The following ZNF778 variants were observed in gnomAD, a reference collection of about 807,000 sequenced individuals.
ZNF778 encodes the protein zinc finger protein 778.
ZNF778 carries 37 observed loss-of-function variants against 23.9 expected under a neutral mutation model. That is an observed-to-expected ratio of 1.54 (90% CI 1.19 to 2.03). The LOEUF (loss-of-function observed/expected upper bound fraction) is 2.03. Ranked by LOEUF, ZNF778 falls within the 30% of genes most tolerant of loss-of-function variation. The probability of loss-of-function intolerance (pLI) is 0.00; values close to 1 mark genes in which losing one functional copy is unlikely to be tolerated. For synonymous variants in ZNF778, 483 were observed against 343.9 expected (o/e 1.40, Z -4.48); for missense variants, 1,297 against 934.4 (o/e 1.39, Z -5.06).
intron 1 of ZNF778, among the ~76,000 whole-genome samples, chr16:89,220,661 C>G (rs1263014651): frequency 6.6e-6 from 1 of 152,174 alleles, no homozygotes; most frequent in East Asian, 1.9e-4. Context: ...ATCTCAAAAG[C>G]AAACAAAACC....
Position 89,230,065 on chromosome 16 carries a change from C to A in ZNF778, c.*1503C>A. ...GGATCCTGTATGAGCAGCGTAGGCT[C>A]TGGTTGGTTAGTCATGCTCTTAGGC... On this transcript the variant is annotated 3_prime_UTR_variant, in exon 7 of 7. Coordinates refer to ENST00000433976, the MANE Select transcript of ZNF778 (RefSeq NM_001201407.2). The A allele has an allele frequency of 1.0e-6, 1 of 972,684 alleles. No individual in the cohort carries two copies. The highest frequency in any genetic ancestry group is 1.2e-6 in the Non-Finnish European group (1 of 818,436). The allele number at this position is 972,684 out of a possible 1,614,324, so 60.3% of individuals were successfully genotyped here. A position where few individuals can be genotyped will look rare whatever the true frequency, so the allele number is the denominator to read the frequency against.
chr16:89,223,092 C>T, intron 3 of ZNF778, 65 bp from the exon 4 acceptor site: 1 of 1,569,306 alleles, frequency 6.4e-7, no homozygotes, highest in Non-Finnish European at 8.6e-7. Context: ...GCCCCGCCTC[C>T]TCATTCTTCA....
At chr16:89,219,339 C>T (rs2030691578) in intron 1 of ZNF778, among the ~76,000 whole-genome samples, 1 of 152,134 alleles carries the variant, frequency 6.6e-6, no homozygotes, top group Admixed American at 6.5e-5. Flanking sequence ...TTAAATATTC[C>T]TCCATTTCTT....
intron 3 of ZNF778, among the ~76,000 whole-genome samples, chr16:89,222,564 A>T (rs367919714): frequency 6.6e-6 from 1 of 152,166 alleles, no homozygotes; most frequent in Admixed American, 6.5e-5. Context: ...GGGTTTTGCC[A>T]TGTTGGCCAG....
rs773707483 is a variant in ZNF778 at position 89,228,107 on chromosome 16, C to A, written c.1819C>A (p.His607Asn). The A allele has an allele frequency of 1.9e-6, 3 of 1,612,978 alleles. No individual in the cohort carries two copies. The highest frequency in any genetic ancestry group is 2.5e-6 in the Non-Finnish European group (3 of 1,179,128). The change falls in exon 7 of 7, where the codon CAC becomes AAC. Residue 607 changes from histidine to asparagine, a missense_variant. Transcript: ENST00000433976. ...TFTVSSSLTE[H>N]IRTHTGEKPY... ...CACTGTTTCTTCGAGCCTAACCGAGCACATACGAACTCACACTGGAGAGAA... is the reference window on the plus strand; with the variant it reads ...CACTGTTTCTTCGAGCCTAACCGAGAACATACGAACTCACACTGGAGAGAA...
At chr16:89,220,288 C>T (rs539360894) in intron 1 of ZNF778, among the ~76,000 whole-genome samples, 3 of 152,170 alleles carry the variant, frequency 2.0e-5, no homozygotes, top group South Asian at 2.1e-4. Flanking sequence ...GTCACCTCAT[C>T]GGTAGAATAA....
intron 1 of ZNF778, 148 bp from the exon 2 acceptor site, chr16:89,220,849 T>A (rs776820283): frequency 2.0e-5 from 9 of 443,148 alleles, no homozygotes; most frequent in Non-Finnish European, 2.9e-5. Flanking sequence ...TTGACCCATA[T>A]ACTGCTCTTC....
chr16:89,227,381 T>C lies in ZNF778; in HGVS notation c.1093T>C (p.Tyr365His), dbSNP rs2031579533. The change falls in exon 7 of 7, where the codon TAT (tyrosine) becomes CAT (histidine). Residue 365 changes from tyrosine to histidine, a missense_variant. Physicochemically the swap from Tyr to His is moderately conservative, Grantham distance 83. Coordinates refer to ENST00000433976, the MANE Select transcript of ZNF778 (RefSeq NM_001201407.2). ...HVQTDPGQKP[Y>H]ECKDCGKACG... ...CCAAACAGACCCTGGACAGAAGCCCTATGAATGTAAGGACTGTGGGAAAGC... is the reference window on the plus strand; with the variant it reads ...CCAAACAGACCCTGGACAGAAGCCCCATGAATGTAAGGACTGTGGGAAAGC... The C allele has an allele frequency of 1.2e-6, 2 of 1,613,848 alleles. No individual in the cohort carries two copies. The highest frequency in any genetic ancestry group is 2.7e-5 in the African/African-American group (2 of 74,916).
In ZNF778 at chr16:89,233,956, G is replaced by A; in HGVS notation, c.*5394G>A. 2 of 1,277,386 alleles carry A rather than the reference G, an allele frequency of 1.6e-6. No individual in the cohort carries two copies. Among genetic ancestry groups the A allele is most frequent in the Non-Finnish European group, 2.0e-6 (2 of 977,954 alleles). 79.1% of individuals were successfully genotyped at this position (1,277,386 alleles called of 1,614,324 possible). ...CTGTATGCCCTTGGGCCTGCTGGAA[G>A]TATGCAGACTAGCCAGCCCCAGACT... On this transcript the variant is annotated 3_prime_UTR_variant, in exon 7 of 7. Transcript: ENST00000433976.
At position 89,228,163 on chromosome 16, in the gene ZNF778, C is replaced by T. The variant is rs200661175; in HGVS notation, c.1875C>T (p.Ala625=). The T allele has an allele frequency of 5.0e-6, 8 of 1,613,578 alleles. No individual in the cohort carries two copies. In the South Asian group the frequency reaches 5.5e-5, roughly 11 times the overall value. The change falls in exon 7 of 7, where the codon GCC becomes GCT. Residue 625 remains alanine (A), a synonymous_variant. Transcript: ENST00000433976. ...ATGAATGTAAAGTATGCGGAAAGGCCTTCACCACATCCTCACACCTTATCG... is the reference window on the plus strand; with the variant it reads ...ATGAATGTAAAGTATGCGGAAAGGCTTTCACCACATCCTCACACCTTATCG... The part of the protein sequence containing the change: ...KPYECKVCGK[A]FTTSSHLIVH...
rs1352445301 is a variant in ZNF778, at chr16:89,229,857, GGTTA to G, written c.*1298_*1301del. 2 of 983,742 alleles carry G rather than the reference GGTTA, an allele frequency of 2.0e-6. No homozygotes were observed. The highest frequency in any genetic ancestry group is 1.2e-4 in the East Asian group (1 of 8,684). The allele number at this position is 983,742 out of a possible 1,614,324, so 60.9% of individuals were successfully genotyped here. ...TGTGTGAGCAGCGTAGGCTCTGGTT[GGTTA>G]GTCTTGAGGATCCAGATGTGATCCT... On this transcript the variant is annotated 3_prime_UTR_variant, in exon 7 of 7. Transcript: ENST00000433976.
rs1318791927 is a variant in ZNF778 at position 89,227,678 on chromosome 16, C to G, written c.1390C>G (p.Leu464Val). ...GAAAGCCTTCTGTACATCCTCGGGC[C>G]TTACTGAGCATGTAAGGACTCACAC... ...CGKAFCTSSG[L>V]TEHVRTHTGE... The change falls in exon 7 of 7, where the codon CTT becomes GTT. Residue 464 changes from leucine to valine, a missense_variant. Physicochemically the swap from Leu to Val is conservative, Grantham distance 32. Coordinates refer to ENST00000433976, the MANE Select transcript of ZNF778 (RefSeq NM_001201407.2). 6.2e-7 allele frequency: 1 copy of G among 1,614,052 alleles called. No homozygotes were observed. The highest frequency in any genetic ancestry group is 1.3e-5 in the African/African-American group (1 of 74,926).
At position 89,231,367 on chromosome 16, in the gene ZNF778, C is replaced by G. The variant is rs1033875812; in HGVS notation, c.*2805C>G. The G allele has an allele frequency of 4.6e-5, 7 of 152,208 alleles. No homozygotes were observed. Among genetic ancestry groups the G allele is most frequent in the Non-Finnish European group, 8.8e-5 (6 of 68,112 alleles). 9.4% of individuals were successfully genotyped at this position (152,208 alleles called of 1,614,324 possible). On this transcript the variant is annotated 3_prime_UTR_variant, in exon 7 of 7. Transcript: ENST00000433976. ...ACTGCATCATCCTGGTGCTCGGACTCCTAGTGACAGCATCCTGAGCAGGCG... is the reference window on the plus strand; with the variant it reads ...ACTGCATCATCCTGGTGCTCGGACTGCTAGTGACAGCATCCTGAGCAGGCG...
chr16:89,219,125 AAAAAT>A (rs1214601980), intron 1 of ZNF778, among the ~76,000 whole-genome samples: 1 of 151,572 alleles, frequency 6.6e-6, no homozygotes, highest in South Asian at 2.1e-4. Flanking sequence ...AAAAAAATAA[AAAAAT>A]AAGAAGGAGG....
Position 89,223,172 on chromosome 16 carries a change from G to A in ZNF778, c.133G>A (p.Asp45Asn), listed in dbSNP as rs1456978362. 1 of 1,613,806 alleles carries A rather than the reference G, an allele frequency of 6.2e-7. No homozygotes were observed. Among genetic ancestry groups the A allele is most frequent in the Non-Finnish European group, 8.5e-7 (1 of 1,179,912 alleles). Residue 45 changes from aspartate to asparagine, a missense_variant, in exon 4 of 7, where the codon GAC (aspartate) becomes AAC (asparagine). Asp to Asn is a conservative substitution (Grantham distance 23). Transcript: ENST00000433976. ...INCYQDAVTF[D>N]DVAVDFTQEE... ...GATGATTTAGGACGCGGTGACCTTT[G>A]ACGACGTGGCTGTGGACTTCACCCA...
rs766966971 is a variant in ZNF778 at position 89,233,885 on chromosome 16, C to T, written c.*5323C>T. 7.8e-7 allele frequency: 1 copy of T among 1,289,684 alleles called. No homozygotes were observed. Among genetic ancestry groups the T allele is most frequent in the Non-Finnish European group, 1.0e-6 (1 of 989,028 alleles). 79.9% of individuals were successfully genotyped at this position (1,289,684 alleles called of 1,614,324 possible). ...ACTACCACACCAAGCCAGTATTTCT[C>T]CTCCCTGAAGTCAGCCCAGGATGAG... On this transcript the variant is annotated 3_prime_UTR_variant, in exon 7 of 7. Coordinates refer to ENST00000433976, the MANE Select transcript of ZNF778 (RefSeq NM_001201407.2).
At chr16:89,220,852 T>C in intron 1 of ZNF778, 145 bp from the exon 2 acceptor site, 1 of 447,904 alleles carries the variant, frequency 2.2e-6, no homozygotes, top group Non-Finnish European at 4.2e-6. Context: ...ACCCATATAC[T>C]GCTCTTCAGT....
chr16:89,226,165 C>T (rs1044192010), intron 6 of ZNF778, among the ~76,000 whole-genome samples: 1 of 152,136 alleles, frequency 6.6e-6, no homozygotes, highest in South Asian at 2.1e-4. Flanking sequence ...CCACCTCAGC[C>T]TCCCAAAGTA....
At chr16:89,224,694 T>C in intron 4 of ZNF778, 25 bp from the exon 5 acceptor site, 1 of 1,514,152 alleles carries the variant, frequency 6.6e-7, no homozygotes, top group South Asian at 1.2e-5. Context: ...GCCTCTTCCA[T>C]CGATGTCTCT....
Sources: gnomAD v4.1 joint callset for allele counts (sites outside exome capture counted in the v4.1 genomes callset) on GRCh38, gnomAD v4.1.1 for gene constraint, MANE v1.5 for transcripts, NCBI Gene and HGNC (gene_info 2026-07-23, HGNC 2026-07-21) for gene names.